RHOF: variants seen among roughly 807,000 people sequenced by gnomAD.
RHOF encodes rho-related GTP-binding protein RhoF.
In RHOF, 21 loss-of-function variants were observed where a neutral mutation model predicts 22.2. That is an observed-to-expected ratio of 0.95 (90% CI 0.67 to 1.36). RHOF has a LOEUF of 1.36. RHOF is among the 40% of genes most tolerant of loss of function. The probability of loss-of-function intolerance (pLI) is 0.00; values close to 1 mark genes in which losing one functional copy is unlikely to be tolerated. For missense variants in RHOF, 285 were observed against 293.7 expected (o/e 0.97, Z 0.22); for synonymous variants, 135 against 131.2 (o/e 1.03, Z -0.20).
chr12:121,780,528 T>A (rs1874411364), intron 4 of RHOF: 1 of 445,498 alleles, frequency 2.2e-6, no homozygotes, highest in African/African-American at 2.0e-5. Flanking sequence ...GGACGGCGGC[T>A]CATAGCACAG....
chr12:121,784,868 T>C (rs1359649076), intron 2 of RHOF, among the ~76,000 whole-genome samples: 2 of 152,150 alleles, frequency 1.3e-5, no homozygotes, highest in African/African-American at 4.8e-5. Flanking sequence ...AGTGAACAGG[T>C]ACATTAGTCC....
Position 121,793,641 on chromosome 12 carries a change from A to T in RHOF, c.-8T>A. 6.5e-7 allele frequency: 1 copy of T among 1,532,192 alleles called. No individual in the cohort carries two copies. The highest frequency in any genetic ancestry group is 8.7e-7 in the Non-Finnish European group (1 of 1,145,536). 94.9% of individuals were successfully genotyped at this position (1,532,192 alleles called of 1,614,324 possible). On this transcript the variant is annotated 5_prime_UTR_variant, in exon 1 of 5. Coordinates refer to ENST00000267205, the MANE Select transcript of RHOF (RefSeq NM_019034.3). ...GGCCCCGGGGGCATCCATTGCCCGGAGCCCGCAGCACTGGCGGCGGCGCGC... is the reference window on the plus strand; with the variant it reads ...GGCCCCGGGGGCATCCATTGCCCGGTGCCCGCAGCACTGGCGGCGGCGCGC...
intron 2 of RHOF, among the ~76,000 whole-genome samples, chr12:121,783,163 C>T (rs1342153851): frequency 6.6e-6 from 1 of 151,400 alleles, no homozygotes; most frequent in African/African-American, 2.4e-5. Context: ...GCCCCTACAC[C>T]ATCCTCATCT....
intron 2 of RHOF, among the ~76,000 whole-genome samples, chr12:121,787,915 G>T (rs1172219856): frequency 7.4e-6 from 1 of 135,300 alleles, no homozygotes; most frequent in Non-Finnish European, 1.6e-5. Context: ...AAAAAGGGGG[G>T]GGGGGCGGGG....
chr12:121,787,069 A>C (rs1467367401), intron 2 of RHOF, among the ~76,000 whole-genome samples: 1 of 152,098 alleles, frequency 6.6e-6, no homozygotes, highest in Admixed American at 6.6e-5. Flanking sequence ...AACAAAAAAA[A>C]CAGTAATTCT....
intron 2 of RHOF, among the ~76,000 whole-genome samples, chr12:121,786,179 C>G (rs1470055834): frequency 6.6e-6 from 1 of 152,064 alleles, no homozygotes; most frequent in Non-Finnish European, 1.5e-5. Flanking sequence ...CTCGGCCTCC[C>G]AAAGTGCTGG....
At chr12:121,789,992 G>A (rs191183203) in intron 2 of RHOF, among the ~76,000 whole-genome samples, 17 of 152,266 alleles carry the variant, frequency 1.1e-4, no homozygotes, top group South Asian at 4.1e-4. Context: ...AGACTTCACC[G>A]CAGCTTCCTG....
In RHOF at chr12:121,779,130, G is replaced by A. The variant is rs557671144; in HGVS notation, c.*368C>T. ...CAGGAGTGGCAGGCTTGGGGCGCCC[G>A]CGTGGAACAGTGCCAGGTCTACGTT... On this transcript the variant is annotated 3_prime_UTR_variant, in exon 5 of 5. Coordinates refer to ENST00000267205, the MANE Select transcript of RHOF (RefSeq NM_019034.3). The A allele has an allele frequency of 8.5e-4, 184 of 217,602 alleles. 1 individual carries two copies. In the South Asian group the frequency reaches 0.014, roughly 16 times the overall value. The allele number at this position is 217,602 out of a possible 1,614,324, so 13.5% of individuals were successfully genotyped here.
At position 121,779,055 on chromosome 12, in the gene RHOF, G is replaced by A. The variant is rs1293266029; in HGVS notation, c.*443C>T. The A allele has an allele frequency of 6.0e-6, 1 of 166,434 alleles. No individual in the cohort carries two copies. The highest frequency in any genetic ancestry group is 1.3e-5 in the Non-Finnish European group (1 of 75,734). The allele number at this position is 166,434 out of a possible 1,614,324, so 10.3% of individuals were successfully genotyped here. On this transcript the variant is annotated 3_prime_UTR_variant, in exon 5 of 5. Transcript: ENST00000267205. ...TGTTCCTGGGGGAAGGAAGGAAGGA[G>A]CTGGAGGATACAGTGGTGCCTATCT...
chr12:121,781,472 TAAC>T (rs1330019181), intron 2 of RHOF: 3 of 380,850 alleles, frequency 7.9e-6, no homozygotes, highest in East Asian at 5.8e-5. Flanking sequence ...CCCTGTCTCT[TAAC>T]AACAAAACCC....
At position 121,779,421 on chromosome 12, in the gene RHOF, G is replaced by A. The variant is rs1874357626; in HGVS notation, c.*77C>T. 2.6e-6 allele frequency: 4 copies of A among 1,512,102 alleles called. No individual in the cohort carries two copies. The East Asian group carries it at 9.1e-5, about 34-fold the overall frequency. 93.7% of individuals were successfully genotyped at this position (1,512,102 alleles called of 1,614,324 possible). On this transcript the variant is annotated 3_prime_UTR_variant, in exon 5 of 5. Coordinates refer to ENST00000267205, the MANE Select transcript of RHOF (RefSeq NM_019034.3). ...CACCATGAGCTGGAGGGTCGGGATG[G>A]GGCAGCCTCCCTGGTGCAATCGGCA...
intron 2 of RHOF, among the ~76,000 whole-genome samples, chr12:121,789,979 T>C (rs1169264789): frequency 6.6e-6 from 1 of 152,154 alleles, no homozygotes; most frequent in Non-Finnish European, 1.5e-5. Context: ...CCCAGGAAAC[T>C]TCAGACTTCA....
intron 2 of RHOF, 72 bp from the exon 3 acceptor site, chr12:121,781,264 G>C (rs1874447889): frequency 7.0e-7 from 1 of 1,418,744 alleles, no homozygotes; most frequent in East Asian, 2.3e-5. Flanking sequence ...GAAGGGGAAG[G>C]GGCCAGGCAA....
chr12:121,785,762 G>A (rs1207876645), intron 2 of RHOF, among the ~76,000 whole-genome samples: 3 of 151,412 alleles, frequency 2.0e-5, no homozygotes, highest in Non-Finnish European at 4.4e-5. Flanking sequence ...ACAGGTGCCC[G>A]CCACCACACC....
At chr12:121,784,949 C>T (rs116629451) in intron 2 of RHOF, among the ~76,000 whole-genome samples, 13 of 152,282 alleles carry the variant, frequency 8.5e-5, no homozygotes, top group African/African-American at 1.4e-4. Context: ...ACTCTAGATA[C>T]GCTGTTTTTT....
intron 2 of RHOF, among the ~76,000 whole-genome samples, chr12:121,791,672 C>G (rs895635119): frequency 2.0e-5 from 3 of 152,246 alleles, no homozygotes; most frequent in Admixed American, 6.5e-5. Context: ...CCTTGAGCAT[C>G]TCTCTCTGGG....
intron 2 of RHOF, chr12:121,782,169 A>C (rs951604580): frequency 2.0e-5 from 3 of 152,114 alleles, no homozygotes; most frequent in African/African-American, 7.2e-5. Flanking sequence ...CGGTAACTGT[A>C]GACATCTGCC....
At chr12:121,792,823 G>C (rs1051937031) in intron 2 of RHOF, among the ~76,000 whole-genome samples, 12 of 152,250 alleles carry the variant, frequency 7.9e-5, no homozygotes, top group African/African-American at 2.9e-4. Context: ...GACCACAGCA[G>C]GTAGCGCAGC....
At position 121,779,156 on chromosome 12, in the gene RHOF, T is replaced by C; in HGVS notation, c.*342A>G. On this transcript the variant is annotated 3_prime_UTR_variant, in exon 5 of 5. Transcript: ENST00000267205. ...CGTGGAACAGTGCCAGGTCTACGTT[T>C]ACCCACTACCAGATAGACTTTTTCA... The C allele has an allele frequency of 3.5e-6, 1 of 287,864 alleles. No individual in the cohort carries two copies. Among genetic ancestry groups the C allele is most frequent in the Non-Finnish European group, 6.8e-6 (1 of 146,846 alleles). 17.8% of individuals were successfully genotyped at this position (287,864 alleles called of 1,614,324 possible).
Sources: gnomAD v4.1 joint callset for allele counts (sites outside exome capture counted in the v4.1 genomes callset) on GRCh38, gnomAD v4.1.1 for gene constraint, MANE v1.5 for transcripts, NCBI Gene and HGNC (gene_info 2026-07-23, HGNC 2026-07-21) for gene names.